The following OSBPL3 variants were observed in gnomAD, a reference collection of about 807,000 sequenced individuals.
The protein encoded by OSBPL3 is oxysterol binding protein like 3, also known as oxysterol-binding protein-related protein 3.
OSBPL3 carries 65 observed loss-of-function variants against 120.1 expected under a neutral mutation model. The observed-to-expected ratio is 0.54, with a 90% confidence interval of 0.44 to 0.67. The LOEUF (loss-of-function observed/expected upper bound fraction) is 0.67, where lower values mean the gene tolerates loss of function less well. OSBPL3 is among the 30% of genes least tolerant of loss of function. OSBPL3 has a pLI of 0.00. For synonymous variants in OSBPL3, 416 were observed against 402.6 expected, an observed-to-expected ratio of 1.03 and a Z score of -0.40; for missense variants, 1,004 against 1,082.1, an observed-to-expected ratio of 0.93 and a Z score of 1.01.
chr7:24,981,204 G>A (rs932298117), upstream of OSBPL3, among the ~76,000 whole-genome samples: 4 of 152,150 alleles, frequency 2.6e-5, no homozygotes, highest in East Asian at 1.9e-4. The surrounding 1 kb of genome is among the most constrained non-coding windows in gnomAD (Gnocchi z 7.3). Context: ...TGAGAGGAGG[G>A]CCAAGTCCAC....
At chr7:24,836,840 A>AGC (rs1797057087) in intron 14 of OSBPL3, among the ~76,000 whole-genome samples, 15 of 152,066 alleles carry the variant, frequency 9.9e-5, no homozygotes, top group African/African-American at 3.6e-4. Context: ...CTTTTTTAAA[A>AGC]TTAATTTTTT....
At chr7:24,895,289 CTG>C (rs940768280) in intron 1 of OSBPL3, among the ~76,000 whole-genome samples, 2 of 152,234 alleles carry the variant, frequency 1.3e-5, no homozygotes, top group African/African-American at 4.8e-5. Flanking sequence ...TGTACTTTCT[CTG>C]TGTTTAGTTA....
Position 24,805,716 on chromosome 7 carries a change from T to C in OSBPL3, c.2444+1060A>G, listed in dbSNP as rs1342902080. Among the ~76,000 whole-genome samples the C allele has an allele frequency of 6.6e-6, 1 of 152,210 alleles. No homozygotes were observed. The highest frequency in any genetic ancestry group is 2.4e-5 in the African/African-American group (1 of 41,444). Reference sequence around the variant, plus strand: ...GGGAATGGGCCCATTTGGGACCAACTGTTACAGCTGACATACGTAAACTGT... The same window carrying C: ...GGGAATGGGCCCATTTGGGACCAACCGTTACAGCTGACATACGTAAACTGT... On this transcript the variant is annotated intron_variant, in intron 21 of 22. Coordinates refer to ENST00000313367, the MANE Select transcript of OSBPL3 (RefSeq NM_015550.4). The surrounding 1 kb of genome is among the most constrained non-coding windows in gnomAD (Gnocchi z 4.0).
chr7:24,830,629 T>TC lies in OSBPL3; in HGVS notation c.1884+138dup. 1 of 861,662 alleles carries TC rather than the reference T, an allele frequency of 1.2e-6. No individual in the cohort carries two copies. Among genetic ancestry groups the TC allele is most frequent in the Admixed American group, 2.6e-5 (1 of 37,962 alleles). The allele number at this position is 861,662 out of a possible 1,614,324, so 53.4% of individuals were successfully genotyped here. A position where few individuals can be genotyped will look rare whatever the true frequency, so the allele number is the denominator to read the frequency against. The stretch of plus-strand genomic sequence containing the variant: ...CTTCAGTGGAAGGGAAATCGATCCC[T>TC]CCCTTTATGTTGAAAAGCACTGTAA... On this transcript the variant is annotated intron_variant, in intron 16 of 22. Coordinates refer to ENST00000313367, the MANE Select transcript of OSBPL3 (RefSeq NM_015550.4). This position sits in a 1 kb window ranked among gnomAD's most constrained non-coding sequence, Gnocchi z 4.4.
intron 1 of OSBPL3, among the ~76,000 whole-genome samples, chr7:24,897,783 A>T (rs1297395415): frequency 6.6e-6 from 1 of 152,234 alleles, no homozygotes; most frequent in Non-Finnish European, 1.5e-5. Flanking sequence ...AGAATTCATC[A>T]CCACTAGCTC....
chr7:24,911,908 G>T (rs1056941041), intron 1 of OSBPL3, among the ~76,000 whole-genome samples: 3 of 152,162 alleles, frequency 2.0e-5, no homozygotes, highest in Non-Finnish European at 2.9e-5. Flanking sequence ...GGTGGTTACT[G>T]GTAGACTAGA....
In OSBPL3 at chr7:24,863,962, T is replaced by C. The variant is rs995901920; in HGVS notation, c.674-363A>G. ...TATTGCACAGTTCTTAGAAGAGTGT[T>C]TGGCACAGAGTAAGAACTAAATAAA... On this transcript the variant is annotated intron_variant, in intron 7 of 22. Transcript: ENST00000313367. This position sits in a 1 kb window ranked among gnomAD's most constrained non-coding sequence, Gnocchi z 5.8. Among the ~76,000 whole-genome samples the C allele has an allele frequency of 2.6e-4, 39 of 152,184 alleles. No individual in the cohort carries two copies. Among genetic ancestry groups the C allele is most frequent in the Non-Finnish European group, 1.6e-4 (11 of 68,028 alleles).
chr7:24,953,591 T>A lies in OSBPL3; in HGVS notation c.-150+26295A>T, dbSNP rs776573669. 1.3e-5 allele frequency among the ~76,000 whole-genome samples: 2 copies of A among 152,186 alleles called. No individual in the cohort carries two copies. The highest frequency in any genetic ancestry group is 6.5e-5 in the Admixed American group (1 of 15,290). ...AAGAATTAGGCACATTAGGAAGCAG[T>A]CAGATTGTATCAGTGATCAAACAGT... On this transcript the variant is annotated intron_variant, in intron 1 of 22. Coordinates refer to ENST00000313367, the MANE Select transcript of OSBPL3 (RefSeq NM_015550.4). The surrounding 1 kb of genome is among the most constrained non-coding windows in gnomAD (Gnocchi z 4.3).
At chr7:24,876,713 C>G (rs992404535) in intron 2 of OSBPL3, among the ~76,000 whole-genome samples, 1 of 152,146 alleles carries the variant, frequency 6.6e-6, no homozygotes, top group Non-Finnish European at 1.5e-5. Flanking sequence ...AATAGTGCCT[C>G]AGGAAATACT....
At chr7:24,949,619 G>C (rs1378607821) in intron 1 of OSBPL3, among the ~76,000 whole-genome samples, 1 of 152,172 alleles carries the variant, frequency 6.6e-6, no homozygotes, top group Non-Finnish European at 1.5e-5. Flanking sequence ...CAAGCTGACA[G>C]CTCCCACTAA....
Position 24,867,526 on chromosome 7 carries a change from G to A in OSBPL3, c.382-1289C>T, listed in dbSNP as rs190936571. On this transcript the variant is annotated intron_variant, in intron 5 of 22. Transcript: ENST00000313367. The surrounding 1 kb of genome is among the most constrained non-coding windows in gnomAD (Gnocchi z 4.5). ...GTTCTCGTGGTGGTGCGTGGGTCTC[G>A]CAAGATCTGGTGGTATTATAAAGTG... Among the ~76,000 whole-genome samples the A allele has an allele frequency of 7.2e-5, 11 of 152,094 alleles. No individual in the cohort carries two copies. Among genetic ancestry groups the A allele is most frequent in the Non-Finnish European group, 1.3e-4 (9 of 68,022 alleles).
At chr7:24,836,690 T>C (rs547410320) in intron 14 of OSBPL3, among the ~76,000 whole-genome samples, 8 of 152,174 alleles carry the variant, frequency 5.3e-5, no homozygotes, top group African/African-American at 1.7e-4. Context: ...TTATTAAACA[T>C]ATATATTTAA....
At chr7:24,897,475 G>C (rs1051533738) in intron 1 of OSBPL3, among the ~76,000 whole-genome samples, 1 of 151,350 alleles carries the variant, frequency 6.6e-6, no homozygotes, top group Non-Finnish European at 1.5e-5. Flanking sequence ...ACAGGCGCCC[G>C]CTACCACGCC....
At chr7:24,906,244 C>G in intron 1 of OSBPL3, 2 of 270,520 alleles carry the variant, frequency 7.4e-6, no homozygotes, top group Non-Finnish European at 1.5e-5. Flanking sequence ...ATTCCAGGAG[C>G]AGGTCCCACT....
chr7:24,832,206 C>CAAAAAA (rs35738897), intron 15 of OSBPL3, among the ~76,000 whole-genome samples: 1 of 95,628 alleles, frequency 1.0e-5, no homozygotes, highest in East Asian at 2.9e-4. Flanking sequence ...GACCCTGTCT[C>CAAAAAA]AAAAAAAAAA....
In OSBPL3 at chr7:24,980,082, C is replaced by A; in HGVS notation, c.-346G>T. The A allele has an allele frequency of 1.0e-6, 1 of 983,110 alleles. No homozygotes were observed. Among genetic ancestry groups the A allele is most frequent in the Non-Finnish European group, 1.2e-6 (1 of 827,892 alleles). The allele number at this position is 983,110 out of a possible 1,614,324, so 60.9% of individuals were successfully genotyped here. ...AGACTGCGGGGCCGGAGCCGCGCTG[C>A]GCACCGGCCGCGAAGCGCTCAAGTC... is the stretch of plus-strand genomic sequence containing the variant. On this transcript the variant is annotated 5_prime_UTR_variant, in exon 1 of 23. Coordinates refer to ENST00000313367, the MANE Select transcript of OSBPL3 (RefSeq NM_015550.4).
In OSBPL3 at chr7:24,972,496, T is replaced by A. The variant is rs905246031; in HGVS notation, c.-150+7390A>T. ...TAATGAATTCTCTGCAACTCTTTAA[T>A]GTCTATATCCCCTTCTAGTCTGTAA... On this transcript the variant is annotated intron_variant, in intron 1 of 22. Transcript: ENST00000313367. This position sits in a 1 kb window ranked among gnomAD's most constrained non-coding sequence, Gnocchi z 4.3. 6.6e-6 allele frequency among the ~76,000 whole-genome samples: 1 copy of A among 152,260 alleles called. No homozygotes were observed. Among genetic ancestry groups the A allele is most frequent in the Admixed American group, 6.5e-5 (1 of 15,278 alleles).
chr7:24,861,869 A>C, intron 9 of OSBPL3, 100 bp from the exon 10 acceptor site: 25 of 714,478 alleles, frequency 3.5e-5, no homozygotes, highest in Middle Eastern at 2.7e-4. Flanking sequence ...AATACAAAAC[A>C]TTTTATAGGT....
chr7:24,976,938 T>C (rs1324466458), intron 1 of OSBPL3, among the ~76,000 whole-genome samples: 4 of 152,194 alleles, frequency 2.6e-5, no homozygotes, highest in East Asian at 1.9e-4. Context: ...GCCCCTTAGG[T>C]GGTACCCATG....
Sources: gnomAD v4.1 joint callset for allele counts (sites outside exome capture counted in the v4.1 genomes callset) on GRCh38, gnomAD v4.1.1 for gene constraint, Gnocchi (gnomAD v3.1) non-coding constraint, MANE v1.5 for transcripts, NCBI Gene and HGNC (gene_info 2026-07-23, HGNC 2026-07-21) for gene names.